The following PRPF6 variants were observed in gnomAD, a reference collection of about 807,000 sequenced individuals.
PRPF6 encodes the protein pre-mRNA processing factor 6, also known as pre-mRNA-processing factor 6.
A neutral mutation model predicts 118.3 loss-of-function variants in PRPF6; 42 were observed. That is an observed-to-expected ratio of 0.35 (90% CI 0.28 to 0.46). PRPF6 has a LOEUF of 0.46. Ranked by LOEUF, PRPF6 falls within the 20% of genes least tolerant of loss-of-function variation. The pLI, the probability that PRPF6 is intolerant of heterozygous loss-of-function variation, is 1.00. For synonymous variants in PRPF6, 481 were observed against 485.1 expected, an observed-to-expected ratio of 0.99 and a Z score of 0.11; for missense variants, 662 against 1,255.7, an observed-to-expected ratio of 0.53 and a Z score of 7.15.
chr20:64,025,915 G>A (rs776178957), intron 14 of PRPF6, 24 bp from the exon 15 acceptor site: 22 of 1,613,486 alleles, frequency 1.4e-5, no homozygotes, highest in East Asian at 6.7e-5. Context: ...GACCCCTCTT[G>A]ACGCTGCTGT....
intron 3 of PRPF6, among the ~76,000 whole-genome samples, chr20:63,990,283 GA>G (rs2059112722): frequency 6.6e-6 from 1 of 152,080 alleles, no homozygotes; most frequent in African/African-American, 2.4e-5. Flanking sequence ...CAAACATTGG[GA>G]ATTATAATTC....
intron 3 of PRPF6, among the ~76,000 whole-genome samples, chr20:63,986,765 G>A (rs539738129): frequency 6.4e-4 from 97 of 152,032 alleles, no homozygotes; most frequent in Non-Finnish European, 1.1e-3. Context: ...TGGGATTACA[G>A]GCGTGAGCCA....
Position 64,011,305 on chromosome 20 carries a change from G to C in PRPF6, c.1326G>C (p.Arg442Ser), listed in dbSNP as rs2059216244. Residue 442 changes from arginine (R) to serine (S), a missense_variant, in exon 11 of 21, where the codon AGG becomes AGC. Coordinates refer to ENST00000266079, the MANE Select transcript of PRPF6 (RefSeq NM_012469.4). This position sits in a 1 kb window ranked among gnomAD's most constrained non-coding sequence, Gnocchi z 6.7. ...TSVELWLALA[R>S]LETYENARKV... Reference sequence around the variant, plus strand: ...CGTAGCTCTGGCTTGCTCTGGCAAGGCTGGAGACCTATGAAAATGCCCGCA... The same window carrying C: ...CGTAGCTCTGGCTTGCTCTGGCAAGCCTGGAGACCTATGAAAATGCCCGCA... 6.2e-7 allele frequency: 1 copy of C among 1,614,052 alleles called. No individual in the cohort carries two copies. Among genetic ancestry groups the C allele is most frequent in the African/African-American group, 1.3e-5 (1 of 74,930 alleles).
intron 3 of PRPF6, among the ~76,000 whole-genome samples, chr20:63,990,184 C>A (rs1391726365): frequency 2.6e-5 from 4 of 152,264 alleles, no homozygotes; most frequent in Non-Finnish European, 4.4e-5. Flanking sequence ...CCAGATCTTA[C>A]GTGATGTAAA....
rs1438296656 is a variant in PRPF6 at position 64,029,526 on chromosome 20, G to A, written c.2546+35G>A. The A allele has an allele frequency of 6.5e-7, 1 of 1,528,758 alleles. No individual in the cohort carries two copies. Among genetic ancestry groups the A allele is most frequent in the Admixed American group, 1.7e-5 (1 of 59,860 alleles). The allele number at this position is 1,528,758 out of a possible 1,614,324, so 94.7% of individuals were successfully genotyped here. ...GCCCCCACAGGATTGCTGAACCTCG[G>A]GGTCCTAATGGGCTCTTTTTCCAGA... On this transcript the variant is annotated intron_variant, in intron 19 of 20. Transcript: ENST00000266079. The surrounding 1 kb of genome is among the most constrained non-coding windows in gnomAD (Gnocchi z 4.8).
intron 6 of PRPF6, among the ~76,000 whole-genome samples, chr20:63,996,898 C>T (rs1445009042): frequency 6.6e-6 from 1 of 152,136 alleles, no homozygotes; most frequent in East Asian, 1.9e-4. Context: ...CTCTGCACAC[C>T]AGCCTGGGTT....
chr20:64,027,197 G>T lies in PRPF6; in HGVS notation c.2205+39G>T, dbSNP rs750502541. ...TGCACCCTGGGGCTGCAGCTGACCC[G>T]GCATTCACAAAACTGAGCCCCCTGG... On this transcript the variant is annotated intron_variant, in intron 16 of 20. Coordinates refer to ENST00000266079, the MANE Select transcript of PRPF6 (RefSeq NM_012469.4). This position sits in a 1 kb window ranked among gnomAD's most constrained non-coding sequence, Gnocchi z 6.5. 6.2e-7 allele frequency: 1 copy of T among 1,609,382 alleles called. No homozygotes were observed. Among genetic ancestry groups the T allele is most frequent in the East Asian group, 2.2e-5 (1 of 44,830 alleles).
At chr20:64,014,647 AG>A (rs1453235686) in intron 11 of PRPF6, among the ~76,000 whole-genome samples, 1 of 152,188 alleles carries the variant, frequency 6.6e-6, no homozygotes, top group Non-Finnish European at 1.5e-5. Flanking sequence ...CAAAAGAGCG[AG>A]ACTCTGTCTC....
rs1285689661 is a variant in PRPF6 at position 64,025,790 on chromosome 20, TCTC to T, written c.1909-144_1909-142del. ...TCTTGCACTGGAGTCGGCTCTGTCA[TCTC>T]CTCCCTGGGAAGGGCTTGGACCAGA... On this transcript the variant is annotated intron_variant, in intron 14 of 20. Transcript: ENST00000266079. The T allele has an allele frequency of 1.1e-5, 15 of 1,426,614 alleles. No homozygotes were observed. In the East Asian group the frequency reaches 3.2e-4, roughly 30 times the overall value. 88.4% of individuals were successfully genotyped at this position (1,426,614 alleles called of 1,614,324 possible).
In PRPF6 at chr20:64,032,063, C is replaced by T. The variant is rs816935; in HGVS notation, c.2673+19C>T. ...CACTGAGGTGAGGCCCCTCGACAGA[C>T]CGCCGCTCAGTGCCTTCTGGGACTG... is the stretch of plus-strand genomic sequence containing the variant. On this transcript the variant is annotated intron_variant, in intron 20 of 20. Coordinates refer to ENST00000266079, the MANE Select transcript of PRPF6 (RefSeq NM_012469.4). 0.055 allele frequency: 88,348 copies of T among 1,613,624 alleles called. 2,720 individuals are homozygous for T. Among genetic ancestry groups the T allele is most frequent in the Middle Eastern group, 0.13 (760 of 5,992 alleles).
Position 64,016,741 on chromosome 20 carries a change from A to G in PRPF6, c.1543A>G (p.Arg515Gly). The G allele has an allele frequency of 6.2e-7, 1 of 1,614,070 alleles. No homozygotes were observed. The highest frequency in any genetic ancestry group is 8.5e-7 in the Non-Finnish European group (1 of 1,179,986). ...CTTTCAGGATGCCGAGGAATGTGACAGGGCTGGGAGTGTGGCCACCTGCCA... is the reference window on the plus strand; with the variant it reads ...CTTTCAGGATGCCGAGGAATGTGACGGGGCTGGGAGTGTGGCCACCTGCCA... ...QWIQDAEECD[R>G]AGSVATCQAV... Residue 515 changes from arginine to glycine, a missense_variant, in exon 12 of 21, where the codon AGG (arginine) becomes GGG (glycine). This residue lies in a region of PRPF6 where 189 missense variants were observed against 323.5 expected (regional missense o/e 0.58). Transcript: ENST00000266079.
At chr20:64,018,184 A>C (rs2123071011) in intron 12 of PRPF6, among the ~76,000 whole-genome samples, 1 of 152,086 alleles carries the variant, frequency 6.6e-6, no homozygotes, top group Middle Eastern at 3.4e-3. Flanking sequence ...TGACAGCAAG[A>C]CCCTATCTCA....
At chr20:64,032,283 G>C (rs1308552347) in intron 20 of PRPF6, among the ~76,000 whole-genome samples, 1 of 152,236 alleles carries the variant, frequency 6.6e-6, no homozygotes, top group Non-Finnish European at 1.5e-5. Flanking sequence ...GAGGCACCCT[G>C]TCCGTTAGGG....
At chr20:64,001,011 G>T in intron 8 of PRPF6, 66 bp from the exon 9 acceptor site, 2 of 1,552,826 alleles carry the variant, frequency 1.3e-6, no homozygotes. Flanking sequence ...GGAGATCTGT[G>T]CCTGCTGCCC....
Position 64,027,229 on chromosome 20 carries a change from G to T in PRPF6, c.2205+71G>T, listed in dbSNP as rs1238795500. The T allele has an allele frequency of 6.3e-7, 1 of 1,576,798 alleles. No individual in the cohort carries two copies. The highest frequency in any genetic ancestry group is 8.7e-7 in the Non-Finnish European group (1 of 1,154,978). On this transcript the variant is annotated intron_variant, in intron 16 of 20. Coordinates refer to ENST00000266079, the MANE Select transcript of PRPF6 (RefSeq NM_012469.4). The surrounding 1 kb of genome is among the most constrained non-coding windows in gnomAD (Gnocchi z 6.5). ...ACAAAACTGAGCCCCCTGGTGCAGG[G>T]TCATTGCCCTTCGCCTCTGAGGAGA...
At chr20:63,982,313 A>G (rs2059073128) in intron 1 of PRPF6, among the ~76,000 whole-genome samples, 1 of 152,116 alleles carries the variant, frequency 6.6e-6, no homozygotes, top group Non-Finnish European at 1.5e-5. Context: ...CTGGGATTAT[A>G]GGTGCCCGCT....
intron 3 of PRPF6, among the ~76,000 whole-genome samples, chr20:63,992,633 T>C (rs1046128293): frequency 2.6e-5 from 4 of 152,176 alleles, no homozygotes; most frequent in African/African-American, 9.7e-5. Flanking sequence ...CATGTCCAAA[T>C]GGAGGTATTT....
At position 64,028,374 on chromosome 20, in the gene PRPF6, C is replaced by T. The variant is rs1021261165; in HGVS notation, c.2340-104C>T. ...TGTGGAGGGAATGGAGTTTTTGCTG[C>T]TGTGACTGGGTGGAGAGCCCTTTCA... On this transcript the variant is annotated intron_variant, in intron 17 of 20. Transcript: ENST00000266079. This position sits in a 1 kb window ranked among gnomAD's most constrained non-coding sequence, Gnocchi z 6.5. The T allele has an allele frequency of 1.7e-6, 2 of 1,182,896 alleles. No homozygotes were observed. Among genetic ancestry groups the T allele is most frequent in the Non-Finnish European group, 1.3e-6 (1 of 795,474 alleles). The allele number at this position is 1,182,896 out of a possible 1,614,324, so 73.3% of individuals were successfully genotyped here. A position where few individuals can be genotyped will look rare whatever the true frequency, so the allele number is the denominator to read the frequency against.
rs914712460 is a variant in PRPF6, at chr20:64,027,585, C to G, written c.2206-18C>G. ...TCATAGACACCACCTGAGCTGCTCT[C>G]TTACTTGTTGGTTGCAGTTGAAGAA... On this transcript the variant is annotated intron_variant, in intron 16 of 20. Transcript: ENST00000266079. This position sits in a 1 kb window ranked among gnomAD's most constrained non-coding sequence, Gnocchi z 6.5. The G allele has an allele frequency of 6.2e-7, 1 of 1,614,102 alleles. No individual in the cohort carries two copies. Among genetic ancestry groups the G allele is most frequent in the South Asian group, 1.1e-5 (1 of 91,076 alleles).
Sources: gnomAD v4.1 joint callset for allele counts (sites outside exome capture counted in the v4.1 genomes callset) on GRCh38, gnomAD v4.1.1 for gene constraint, gnomAD v4.1.1 regional missense constraint, Gnocchi (gnomAD v3.1) non-coding constraint, MANE v1.5 for transcripts, NCBI Gene and HGNC (gene_info 2026-07-23, HGNC 2026-07-21) for gene names.